Variants in TET3 observed in about 807,000 individuals in gnomAD.
TET3 encodes the protein methylcytosine dioxygenase TET3.
TET3 carries 19 observed loss-of-function variants against 141.4 expected under a neutral mutation model. The ratio of observed to expected loss-of-function variants is 0.13; its 90% CI spans 0.09 to 0.20. TET3 has a LOEUF of 0.20. Among genes scored for constraint, TET3 ranks in the 10% least tolerant of loss-of-function variants. The probability of loss-of-function intolerance (pLI) is 1.00; values close to 1 mark genes in which losing one functional copy is unlikely to be tolerated. For synonymous variants in TET3, 1,043 were observed against 980.9 expected (o/e 1.06, Z -1.18); for missense variants, 1,874 against 2,356.9 (o/e 0.80, Z 4.24).
intron 4 of TET3, 66 bp downstream of exon 4, chr2:74,048,477 A>C: frequency 6.7e-7 from 1 of 1,484,678 alleles, no homozygotes; most frequent in Non-Finnish European, 9.0e-7. Flanking sequence ...TAGGATTTCT[A>C]GGCCCTGCCT....
upstream of TET3, among the ~76,000 whole-genome samples, chr2:73,984,165 T>C (rs1449752876): frequency 6.6e-6 from 1 of 152,220 alleles, no homozygotes; most frequent in Non-Finnish European, 1.5e-5. The surrounding 1 kb of genome is among the most constrained non-coding windows in gnomAD (Gnocchi z 5.6). Flanking sequence ...TCCTCCTCAG[T>C]TACCCTCCGC....
intron 4 of TET3, among the ~76,000 whole-genome samples, chr2:74,063,942 C>G (rs1474793546): frequency 2.0e-5 from 3 of 150,806 alleles, no homozygotes; most frequent in Non-Finnish European, 4.4e-5. Context: ...AAGGGTAGAT[C>G]TTATCTTTAG....
chr2:73,994,538 G>A (rs1330276908), intron 2 of TET3, among the ~76,000 whole-genome samples: 6 of 152,046 alleles, frequency 3.9e-5, no homozygotes, highest in South Asian at 2.1e-4. Flanking sequence ...TCTGGGTTGC[G>A]GGAAGGTTGG....
chr2:74,113,904 A>G, the TET3 span, among the ~76,000 whole-genome samples: 1 of 152,140 alleles, frequency 6.6e-6, no homozygotes, highest in African/African-American at 2.4e-5. Flanking sequence ...ATTTAATGCA[A>G]TCCCTATCAA....
chr2:74,066,268 CACTT>C (rs924216161), intron 4 of TET3, among the ~76,000 whole-genome samples: 1 of 151,972 alleles, frequency 6.6e-6, no homozygotes, highest in Non-Finnish European at 1.5e-5. Flanking sequence ...CTTAATAAGA[CACTT>C]AATATCTTAG....
intron 3 of TET3, among the ~76,000 whole-genome samples, chr2:74,027,448 A>G (rs1451781520): frequency 4.0e-5 from 6 of 151,854 alleles, no homozygotes; most frequent in African/African-American, 1.5e-4. Flanking sequence ...TTGTGCAACC[A>G]ACACCACTCT....
intron 3 of TET3, among the ~76,000 whole-genome samples, chr2:74,034,182 C>G (rs1328436617): frequency 6.7e-6 from 1 of 149,478 alleles, no homozygotes; most frequent in African/African-American, 2.4e-5. Flanking sequence ...AACAACAAAC[C>G]ACCCCCAGTA....
At chr2:74,031,886 A>G (rs76786616) in intron 3 of TET3, among the ~76,000 whole-genome samples, 1 of 152,168 alleles carries the variant, frequency 6.6e-6, no homozygotes, top group East Asian at 1.9e-4. Context: ...TCTCCAAAAG[A>G]ATGATTAGAA....
chr2:74,008,240 T>C (rs952543679), intron 3 of TET3, among the ~76,000 whole-genome samples: 1 of 152,214 alleles, frequency 6.6e-6, no homozygotes, highest in African/African-American at 2.4e-5. Flanking sequence ...CCATAAGTTC[T>C]CTGAGTGCCC....
intron 3 of TET3, among the ~76,000 whole-genome samples, chr2:74,020,310 A>G (rs72905291): frequency 0.028 from 4,336 of 152,196 alleles, 187 homozygotes; most frequent in African/African-American, 0.099. Flanking sequence ...CAGCCTCCCT[A>G]GTAGTTGGGA....
chr2:74,076,159 CT>C (rs5832120), intron 5 of TET3, among the ~76,000 whole-genome samples: 94 of 146,112 alleles, frequency 6.4e-4, no homozygotes, highest in South Asian at 6.5e-4. Flanking sequence ...TGACATATGT[CT>C]TTTTTTTTTT....
At chr2:74,120,532 G>C in the TET3 span, 1 of 152,376 alleles carries the variant, frequency 6.6e-6, no homozygotes, top group African/African-American at 2.4e-5. Flanking sequence ...CGGCCCTGCA[G>C]GCGTCGTCGC....
chr2:74,135,392 A>C, the TET3 span: 1 of 854,822 alleles, frequency 1.2e-6, no homozygotes, highest in Admixed American at 2.2e-5. Context: ...AACCTGAAAC[A>C]TTACTAATGA....
chr2:74,021,252 C>T (rs1686027716), intron 3 of TET3, among the ~76,000 whole-genome samples: 1 of 152,228 alleles, frequency 6.6e-6, no homozygotes, highest in African/African-American at 2.4e-5. Context: ...GAGCTGCTTT[C>T]TCAGGGTGCT....
chr2:74,118,423 G>A, the TET3 span, among the ~76,000 whole-genome samples: 2 of 152,184 alleles, frequency 1.3e-5, no homozygotes, highest in South Asian at 2.1e-4. Flanking sequence ...TACAGTATCA[G>A]TAAGCACAGT....
chr2:74,102,194 T>G lies in TET3; in HGVS notation c.*18T>G. 1 of 1,424,246 alleles carries G rather than the reference T, an allele frequency of 7.0e-7. No homozygotes were observed. Among genetic ancestry groups the G allele is most frequent in the Non-Finnish European group, 9.2e-7 (1 of 1,086,346 alleles). 88.2% of individuals were successfully genotyped at this position (1,424,246 alleles called of 1,614,324 possible). ...GGATCTAGGTGCCAGGGAGCCAGCG[T>G]ACCTCAGCGTCGGGCCTGGCCCGAG... On this transcript the variant is annotated 3_prime_UTR_variant, in exon 12 of 12. Transcript: ENST00000409262.
chr2:74,077,960 T>A (rs114934120), intron 5 of TET3, among the ~76,000 whole-genome samples: 1,958 of 152,358 alleles, frequency 0.013, 40 homozygotes, highest in African/African-American at 0.044. Flanking sequence ...AGCAGCATTA[T>A]GTGATCTTTT....
the TET3 span, among the ~76,000 whole-genome samples, chr2:74,124,248 C>A: frequency 1.5e-4 from 22 of 147,604 alleles, no homozygotes; most frequent in African/African-American, 5.1e-4. Context: ...CCAGCCGCCC[C>A]GTCCGGGAGG....
intron 2 of TET3, among the ~76,000 whole-genome samples, chr2:73,987,000 T>C: frequency 6.6e-6 from 1 of 152,224 alleles, no homozygotes; most frequent in East Asian, 1.9e-4. Flanking sequence ...GTCCTGCTGC[T>C]TGAAGCCTCA....
Sources: gnomAD v4.1 joint callset for allele counts (sites outside exome capture counted in the v4.1 genomes callset) on GRCh38, gnomAD v4.1.1 for gene constraint, Gnocchi (gnomAD v3.1) non-coding constraint, MANE v1.5 for transcripts, NCBI Gene and HGNC (gene_info 2026-07-23, HGNC 2026-07-21) for gene names.